Variants in ZNF618 observed in about 807,000 individuals in gnomAD.
ZNF618 encodes zinc finger protein 618.
In ZNF618, 34 loss-of-function variants were observed where a neutral mutation model predicts 103.0. The observed-to-expected ratio is 0.33, with a 90% CI of 0.25 to 0.44. The LOEUF (loss-of-function observed/expected upper bound fraction) is 0.44. ZNF618 is among the 20% of genes least tolerant of loss of function. The pLI, the probability that ZNF618 is intolerant of heterozygous loss-of-function variation, is 1.00. For synonymous variants in ZNF618, 551 were observed against 542.2 expected, an observed-to-expected ratio of 1.02 and a Z score of -0.23; for missense variants, 1,059 against 1,295.4, an observed-to-expected ratio of 0.82 and a Z score of 2.80.
intron 1 of ZNF618, among the ~76,000 whole-genome samples, chr9:113,929,134 C>T (rs899732184): frequency 1.3e-5 from 2 of 152,204 alleles, no homozygotes; most frequent in African/African-American, 2.4e-5. Flanking sequence ...TAATCTCCAC[C>T]ATGAGAACCT....
chr9:114,050,136 A>C lies in ZNF618; in HGVS notation c.2834A>C (p.Lys945Thr). 1 of 1,567,054 alleles carries C rather than the reference A, an allele frequency of 6.4e-7. No individual in the cohort carries two copies. Among genetic ancestry groups the C allele is most frequent in the Non-Finnish European group, 8.6e-7 (1 of 1,157,434 alleles). The stretch of plus-strand genomic sequence containing the variant: ...CTGCTCAGTCCAGAAGATATGAATA[A>C]ACTCATGTTTCTGAAATCCAACATG... The part of the protein sequence containing the change: ...RRLLSPEDMN[K>T]LMFLKSNML The change falls in exon 15 of 15, where the codon AAA becomes ACA. Residue 945 changes from lysine to threonine, a missense_variant. Around this residue, in one of 6 missense-constraint regions of ZNF618, gnomAD observed 156 missense variants for 197.1 expected, o/e 0.79. Coordinates refer to ENST00000374126, the MANE Select transcript of ZNF618 (RefSeq NM_001318042.2).
intron 13 of ZNF618, among the ~76,000 whole-genome samples, chr9:114,042,356 G>A (rs1845272051): frequency 6.6e-6 from 1 of 152,120 alleles, no homozygotes; most frequent in African/African-American, 2.4e-5. Flanking sequence ...GTGTGCTGTT[G>A]TTTAACTACC....
chr9:113,897,836 C>T (rs1830172441), intron 1 of ZNF618, among the ~76,000 whole-genome samples: 1 of 152,154 alleles, frequency 6.6e-6, no homozygotes, highest in African/African-American at 2.4e-5. Context: ...GTTGCCCAGG[C>T]TGGCTGGAGT....
chr9:113,975,135 G>A (rs1394008975), intron 2 of ZNF618, among the ~76,000 whole-genome samples: 1 of 152,120 alleles, frequency 6.6e-6, no homozygotes, highest in Non-Finnish European at 1.5e-5. Flanking sequence ...ATTGGAGAGA[G>A]GGCTGGAGGG....
chr9:114,009,082 T>C (rs764334931), intron 9 of ZNF618, among the ~76,000 whole-genome samples: 38 of 152,192 alleles, frequency 2.5e-4, no homozygotes, highest in Non-Finnish European at 5.0e-4. Flanking sequence ...GCCACACACG[T>C]CTGGCCTGTT....
intron 1 of ZNF618, among the ~76,000 whole-genome samples, chr9:113,907,118 C>T (rs1831055918): frequency 6.6e-6 from 1 of 152,240 alleles, no homozygotes; most frequent in Non-Finnish European, 1.5e-5. Context: ...ATAGGCTCAT[C>T]CCTAAGCCGA....
Position 113,969,045 on chromosome 9 carries a change from G to T in ZNF618, c.34-72G>T, listed in dbSNP as rs1265628407. The T allele has an allele frequency of 5.1e-6, 8 of 1,561,046 alleles. No homozygotes were observed. In the Admixed American group the frequency reaches 1.2e-4, roughly 23 times the overall value. ...GAAGGCTGGTATTCAGTGGGAGCTT[G>T]ATGGGGTGGCAGCAGGTCAAATCTG... On this transcript the variant is annotated intron_variant, in intron 1 of 14. Coordinates refer to ENST00000374126, the MANE Select transcript of ZNF618 (RefSeq NM_001318042.2).
chr9:113,930,481 C>T (rs1182151109), intron 1 of ZNF618, among the ~76,000 whole-genome samples: 1 of 152,076 alleles, frequency 6.6e-6, no homozygotes, highest in Non-Finnish European at 1.5e-5. Context: ...TCAAAAAAAG[C>T]AGGCTTGTCC....
chr9:113,908,040 G>T (rs1448928580), intron 1 of ZNF618, among the ~76,000 whole-genome samples: 1 of 151,982 alleles, frequency 6.6e-6, no homozygotes, highest in Non-Finnish European at 1.5e-5. Context: ...CAAGGATGAC[G>T]CACAGTGTGC....
rs1189667914 is a variant in ZNF618, at chr9:114,040,780, G to A, written c.1246+4403G>A. Reference sequence around the variant, plus strand: ...AGTCTTTGCTATTGTGAATAGTGCCGCAATAAACATACGTGTGCATGTGTC... The same window carrying A: ...AGTCTTTGCTATTGTGAATAGTGCCACAATAAACATACGTGTGCATGTGTC... On this transcript the variant is annotated intron_variant, in intron 13 of 14. Coordinates refer to ENST00000374126, the MANE Select transcript of ZNF618 (RefSeq NM_001318042.2). 2.8e-4 allele frequency among the ~76,000 whole-genome samples: 42 copies of A among 152,082 alleles called. 2 individuals are homozygous for A. Among genetic ancestry groups the A allele is most frequent in the Admixed American group, 2.4e-3 (36 of 15,274 alleles).
chr9:113,932,463 C>A (rs906327654), intron 1 of ZNF618, among the ~76,000 whole-genome samples: 1 of 152,096 alleles, frequency 6.6e-6, no homozygotes, highest in Non-Finnish European at 1.5e-5. Flanking sequence ...TTAAGAGGAT[C>A]CCCTGGCTGC....
chr9:114,029,603 T>C (rs143180825), intron 11 of ZNF618, among the ~76,000 whole-genome samples: 15 of 152,220 alleles, frequency 9.9e-5, no homozygotes, highest in African/African-American at 3.4e-4. Context: ...TGGCATGAGT[T>C]TGCATCTCCC....
chr9:113,895,216 A>G (rs902429197), intron 1 of ZNF618, among the ~76,000 whole-genome samples: 2 of 152,134 alleles, frequency 1.3e-5, no homozygotes, highest in Non-Finnish European at 2.9e-5. Flanking sequence ...TTCTTTTGCA[A>G]TGGAGGTTGA....
chr9:114,002,057 C>T lies in ZNF618; in HGVS notation c.495C>T (p.His165=), dbSNP rs770490266. Residue 165 remains histidine, a synonymous_variant, in exon 5 of 15, where the codon CAC becomes CAT. Transcript: ENST00000374126. Reference sequence around the variant, plus strand: ...AGTATTACAACTGCTTCCAGACCCACGTGCGGGCGCACCGAGGTGAGAGGA... The same window carrying T: ...AGTATTACAACTGCTTCCAGACCCATGTGCGGGCGCACCGAGGTGAGAGGA... ...KYKYYNCFQT[H]VRAHRDTEAT... The T allele has an allele frequency of 2.7e-5, 43 of 1,613,380 alleles. No homozygotes were observed. Among genetic ancestry groups the T allele is most frequent in the Middle Eastern group, 1.6e-4 (1 of 6,084 alleles).
intron 10 of ZNF618, among the ~76,000 whole-genome samples, chr9:114,022,950 A>G (rs1364416455): frequency 1.3e-5 from 2 of 152,120 alleles, no homozygotes; most frequent in African/African-American, 2.4e-5. Flanking sequence ...ACTGTAAGCC[A>G]TGACAGCTTT....
At chr9:113,882,896 T>C (rs1828664090) in intron 1 of ZNF618, among the ~76,000 whole-genome samples, 1 of 152,038 alleles carries the variant, frequency 6.6e-6, no homozygotes, top group Non-Finnish European at 1.5e-5. Flanking sequence ...CCAACAAATT[T>C]CCCCAGGTAG....
At chr9:114,016,127 T>G in intron 9 of ZNF618, 2 of 1,612,856 alleles carry the variant, frequency 1.2e-6, no homozygotes, top group Non-Finnish European at 1.7e-6. Flanking sequence ...CAATATTACA[T>G]CAGACATTTT....
chr9:114,024,068 T>C (rs547710903), intron 10 of ZNF618, among the ~76,000 whole-genome samples: 2 of 152,314 alleles, frequency 1.3e-5, no homozygotes, highest in South Asian at 4.1e-4. Flanking sequence ...TACATAGATA[T>C]TTGATAATCA....
At chr9:113,877,537 T>A (rs901702594) in intron 1 of ZNF618, among the ~76,000 whole-genome samples, 6 of 152,060 alleles carry the variant, frequency 3.9e-5, no homozygotes, top group Non-Finnish European at 8.8e-5. Context: ...TTTTTTTTTT[T>A]AATTTTGCAT....
Sources: allele counts gnomAD v4.1 joint callset (sites outside exome capture counted in the v4.1 genomes callset), GRCh38; gene constraint gnomAD v4.1.1; regional missense constraint gnomAD v4.1.1; transcripts MANE v1.5; gene names NCBI Gene and HGNC (gene_info 2026-07-23, HGNC 2026-07-21).